Variants in NDUFS5 observed in about 807,000 individuals in gnomAD.
The protein encoded by NDUFS5 is NADH:ubiquinone oxidoreductase subunit S5, also known as NADH dehydrogenase [ubiquinone] iron-sulfur protein 5.
A neutral mutation model predicts 10.5 loss-of-function variants in NDUFS5; 7 were observed. The observed-to-expected ratio is 0.66, with a 90% CI of 0.38 to 1.25. The LOEUF (loss-of-function observed/expected upper bound fraction) is 1.25, where lower values mean the gene tolerates loss of function less well. Among genes scored for constraint, NDUFS5 ranks in the 50% most tolerant of loss-of-function variants. NDUFS5 has a pLI of 0.02. For missense variants in NDUFS5, 148 were observed against 140.7 expected, an observed-to-expected ratio of 1.05 and a Z score of -0.26; for synonymous variants, 38 against 44.0, an observed-to-expected ratio of 0.86 and a Z score of 0.54.
chr1:39,032,596 A>G (rs974454312), intron 2 of NDUFS5, among the ~76,000 whole-genome samples: 3 of 66,788 alleles, frequency 4.5e-5, no homozygotes, highest in Non-Finnish European at 9.2e-5. Context: ...CAGTAAGCAA[A>G]ACAGCAAAAA....
intron 2 of NDUFS5, among the ~76,000 whole-genome samples, chr1:39,031,084 G>A (rs1473711033): frequency 6.6e-6 from 1 of 152,078 alleles, no homozygotes; most frequent in Non-Finnish European, 1.5e-5. Flanking sequence ...TGCCCAGGCT[G>A]ATCTCGAACT....
chr1:39,032,216 C>T (rs1178211605), intron 2 of NDUFS5, among the ~76,000 whole-genome samples: 1 of 152,148 alleles, frequency 6.6e-6, no homozygotes, highest in Admixed American at 6.6e-5. Context: ...AAGTTAAGGA[C>T]ATTGCTTGAA....
chr1:39,029,375 G>T (rs1051658289), intron 2 of NDUFS5, among the ~76,000 whole-genome samples: 2 of 152,132 alleles, frequency 1.3e-5, no homozygotes, highest in African/African-American at 4.8e-5. Flanking sequence ...CTTTTCTGGT[G>T]AAATACCTTT....
intron 1 of NDUFS5, among the ~76,000 whole-genome samples, chr1:39,027,267 T>C (rs942542938): frequency 1.4e-4 from 22 of 152,104 alleles, no homozygotes; most frequent in Admixed American, 4.6e-4. Context: ...AGAGAGGGTT[T>C]CGCCATGTTG....
At position 39,034,405 on chromosome 1, in the gene NDUFS5, G is replaced by T. The variant is rs774633528; in HGVS notation, c.230G>T (p.Gly77Val). The stretch of plus-strand genomic sequence containing the variant: ...TTCCTTTGACAGATGAGACGTGCAG[G>T]TACCATCAGGAAGCAGCGGGATAAG... ...LLRQKTMRRA[G>V]TIRKQRDKLI... Residue 77 changes from glycine (G) to valine (V), a missense_variant, in exon 3 of 3, where the codon GGT becomes GTT. Physicochemically the swap from Gly to Val is moderately radical, Grantham distance 109. Transcript: ENST00000372969. 12 of 1,613,078 alleles carry T rather than the reference G, an allele frequency of 7.4e-6. No homozygotes were observed. Among genetic ancestry groups the T allele is most frequent in the African/African-American group, 1.3e-5 (1 of 74,850 alleles).
chr1:39,032,041 C>G (rs1359747642), intron 2 of NDUFS5, among the ~76,000 whole-genome samples: 1 of 152,070 alleles, frequency 6.6e-6, no homozygotes, highest in African/African-American at 2.4e-5. Context: ...TGCCTGTAAT[C>G]CCAGCTACTC....
In NDUFS5 at chr1:39,034,433, GA is replaced by G; in HGVS notation, c.259del (p.Ile87Ter). 1 of 1,613,692 alleles carries G rather than the reference GA, an allele frequency of 6.2e-7. No individual in the cohort carries two copies. Among genetic ancestry groups the G allele is most frequent in the Non-Finnish European group, 8.5e-7 (1 of 1,179,764 alleles). On this transcript the variant is annotated frameshift_variant, in exon 3 of 3. Transcript: ENST00000372969. LOFTEE classifies it high-confidence loss of function. ...GTIRKQRDKL[I>X]KEGKYTPPPH... The stretch of plus-strand genomic sequence containing the variant: ...CCATCAGGAAGCAGCGGGATAAGCT[GA>G]TAAAGGAAGGAAAGTACACCCCTCC...
Position 39,031,456 on chromosome 1 carries a change from A to G in NDUFS5, c.216+2516A>G, listed in dbSNP as rs374521051. On this transcript the variant is annotated intron_variant, in intron 2 of 2. Transcript: ENST00000372969. ...CCCAAGTAGCTAGGACTACAAGTGC[A>G]TGCCACCATGTGCGGCTTTTTAAAT... is the stretch of plus-strand genomic sequence containing the variant. Among the ~76,000 whole-genome samples, 13 of 152,234 alleles carry G rather than the reference A, an allele frequency of 8.5e-5. No individual in the cohort carries two copies. The East Asian group carries it at 1.7e-3, about 20-fold the overall frequency.
chr1:39,028,915 T>C lies in NDUFS5; in HGVS notation c.191T>C (p.Val64Ala). 6.2e-7 allele frequency: 1 copy of C among 1,613,776 alleles called. No homozygotes were observed. The highest frequency in any genetic ancestry group is 8.5e-7 in the Non-Finnish European group (1 of 1,179,972). ...KECKIEYDDF[V>A]ECLLRQKTMR... ...TGCAAGATAGAATATGATGATTTCGTAGAGTGTTTGCTTCGGCAGAAAACG... is the reference window on the plus strand; with the variant it reads ...TGCAAGATAGAATATGATGATTTCGCAGAGTGTTTGCTTCGGCAGAAAACG... Residue 64 changes from valine (V) to alanine (A), a missense_variant, in exon 2 of 3, where the codon GTA becomes GCA. Coordinates refer to ENST00000372969, the MANE Select transcript of NDUFS5 (RefSeq NM_004552.3).
rs746877654 is a variant in NDUFS5 at position 39,028,899 on chromosome 1, G to C, written c.175G>C (p.Glu59Gln). Residue 59 changes from glutamate to glutamine, a missense_variant, in exon 2 of 3, where the codon GAA (glutamate) becomes CAA (glutamine). Transcript: ENST00000372969. ...TCGGGCAGAGAAAGAGTGCAAGATAGAATATGATGATTTCGTAGAGTGTTT... is the reference window on the plus strand; with the variant it reads ...TCGGGCAGAGAAAGAGTGCAAGATACAATATGATGATTTCGTAGAGTGTTT... ...YTRAEKECKI[E>Q]YDDFVECLLR... 10 of 1,613,910 alleles carry C rather than the reference G, an allele frequency of 6.2e-6. No homozygotes were observed. The South Asian group carries it at 1.1e-4, about 18-fold the overall frequency.
chr1:39,028,626 A>T, intron 1 of NDUFS5, 97 bp from the exon 2 acceptor site: 2 of 1,067,502 alleles, frequency 1.9e-6, no homozygotes, highest in Non-Finnish European at 2.8e-6. Flanking sequence ...CTAGAGGGCT[A>T]CTTAGCATGA....
intron 2 of NDUFS5, among the ~76,000 whole-genome samples, chr1:39,030,645 G>A (rs4660354): frequency 0.27 from 41,304 of 150,456 alleles, 7,438 homozygotes; most frequent in Non-Finnish European, 0.39. Flanking sequence ...GCATGAACCC[G>A]GGAGGCAGAG....
chr1:39,027,024 A>C (rs1644153452), intron 1 of NDUFS5, among the ~76,000 whole-genome samples: 1 of 152,110 alleles, frequency 6.6e-6, no homozygotes, highest in African/African-American at 2.4e-5. Flanking sequence ...GAACGTAACT[A>C]CTCAGTAAAT....
At chr1:39,029,699 C>G (rs1383778427) in intron 2 of NDUFS5, among the ~76,000 whole-genome samples, 1 of 152,194 alleles carries the variant, frequency 6.6e-6, no homozygotes, top group Non-Finnish European at 1.5e-5. Flanking sequence ...TCATTCCACT[C>G]TGAAGAAGAT....
chr1:39,028,616 C>CT, intron 1 of NDUFS5, 107 bp from the exon 2 acceptor site: 1 of 978,948 alleles, frequency 1.0e-6, no homozygotes, highest in Non-Finnish European at 1.6e-6. Flanking sequence ...AAACAGTGTT[C>CT]TAGAGGGCTA....
chr1:39,030,670 A>T (rs1437968075), intron 2 of NDUFS5, among the ~76,000 whole-genome samples: 1 of 150,366 alleles, frequency 6.7e-6, no homozygotes, highest in Non-Finnish European at 1.5e-5. Flanking sequence ...CAGTGAGTCG[A>T]GATTGTGCCA....
chr1:39,031,302 C>T (rs1380411748), intron 2 of NDUFS5, among the ~76,000 whole-genome samples: 1 of 152,010 alleles, frequency 6.6e-6, no homozygotes, highest in African/African-American at 2.4e-5. Flanking sequence ...TGAGCCACCA[C>T]ACCCATCCTG....
In NDUFS5 at chr1:39,028,869, T is replaced by C. The variant is rs2148081272; in HGVS notation, c.145T>C (p.Tyr49His). The change falls in exon 2 of 3, where the codon TAT becomes CAT. Residue 49 changes from tyrosine to histidine, a missense_variant. By Grantham distance (83) the Tyr-to-His change is moderately conservative. Transcript: ENST00000372969. ...EWIECAHGIGYTRAEKECKIE... is the reference protein window; with the variant it reads ...EWIECAHGIGHTRAEKECKIE... ...GATAGAATGTGCACATGGAATCGGT[T>C]ATACTCGGGCAGAGAAAGAGTGCAA... The C allele has an allele frequency of 1.2e-6, 2 of 1,614,186 alleles. No individual in the cohort carries two copies. The highest frequency in any genetic ancestry group is 4.5e-5 in the East Asian group (2 of 44,886).
chr1:39,033,441 C>T (rs12031359), intron 2 of NDUFS5, among the ~76,000 whole-genome samples: 106,021 of 150,476 alleles, frequency 0.7, 39,388 homozygotes, highest in Non-Finnish European at 0.85. Context: ...GGTGTGGTGG[C>T]GGGCGCCTGT....
Sources: gnomAD v4.1 joint callset for allele counts (sites outside exome capture counted in the v4.1 genomes callset) on GRCh38, gnomAD v4.1.1 for gene constraint, MANE v1.5 for transcripts, NCBI Gene and HGNC (gene_info 2026-07-23, HGNC 2026-07-21) for gene names.